Variants in CBLN2 observed in about 807,000 individuals in gnomAD.
CBLN2 encodes cerebellin 2 precursor.
In CBLN2, 7 loss-of-function variants were observed where a neutral mutation model predicts 15.0. That is an observed-to-expected ratio of 0.47 (90% CI 0.27 to 0.88). The LOEUF (loss-of-function observed/expected upper bound fraction) is 0.88, where lower values mean the gene tolerates loss of function less well. Ranked by LOEUF, CBLN2 falls within the 40% of genes least tolerant of loss-of-function variation. The pLI is 0.14. For missense variants in CBLN2, 242 were observed against 304.5 expected, an observed-to-expected ratio of 0.79 and a Z score of 1.53; for synonymous variants, 149 against 135.2, an observed-to-expected ratio of 1.10 and a Z score of -0.71.
intron 1 of CBLN2, among the ~76,000 whole-genome samples, chr18:72,608,574 C>G (rs1296222990): frequency 6.6e-6 from 1 of 152,098 alleles, no homozygotes; most frequent in Non-Finnish European, 1.5e-5. Flanking sequence ...GCAAGTTGAG[C>G]CTGAAAGTGA....
chr18:72,604,542 A>C (rs929277632), intron 1 of CBLN2, among the ~76,000 whole-genome samples: 25 of 152,278 alleles, frequency 1.6e-4, no homozygotes, highest in African/African-American at 5.8e-4. Context: ...TCCTCTCCAA[A>C]ACTCGTGTTG....
chr18:72,590,969 G>A (rs1004529708), intron 1 of CBLN2, among the ~76,000 whole-genome samples: 1 of 152,142 alleles, frequency 6.6e-6, no homozygotes, highest in African/African-American at 2.4e-5. Flanking sequence ...TTGTTTCTCT[G>A]TCTTTGGGGC....
At chr18:72,604,116 C>T (rs1168537097) in intron 1 of CBLN2, among the ~76,000 whole-genome samples, 3 of 152,200 alleles carry the variant, frequency 2.0e-5, no homozygotes, top group Admixed American at 1.3e-4. Context: ...ATCTGATTTA[C>T]ACTGATCTCT....
At chr18:72,615,457 G>A (rs941827359) in intron 1 of CBLN2, among the ~76,000 whole-genome samples, 1 of 151,200 alleles carries the variant, frequency 6.6e-6, no homozygotes, top group African/African-American at 2.4e-5. Context: ...TGTATTTTTA[G>A]TAGAGAAGGG....
At chr18:72,593,295 T>C (rs1325728824) in intron 1 of CBLN2, among the ~76,000 whole-genome samples, 1 of 152,158 alleles carries the variant, frequency 6.6e-6, no homozygotes, top group African/African-American at 2.4e-5. Context: ...ACTTTCTTGA[T>C]TTCTTCTGCA....
chr18:72,538,533 T>C (rs2069085428), intron 4 of CBLN2, 120 bp downstream of exon 4: 2 of 1,470,788 alleles, frequency 1.4e-6, no homozygotes, highest in Admixed American at 1.8e-5. Context: ...CAGAGCCACA[T>C]CACCCCCTGG....
Position 72,542,258 on chromosome 18 carries a change from C to T in CBLN2, c.-98G>A, listed in dbSNP as rs867136928. The T allele has an allele frequency of 1.3e-6, 1 of 746,342 alleles. No individual in the cohort carries two copies. Among genetic ancestry groups the T allele is most frequent in the Non-Finnish European group, 1.7e-6 (1 of 572,442 alleles). 46.2% of individuals were successfully genotyped at this position (746,342 alleles called of 1,614,324 possible). A position where few individuals can be genotyped will look rare whatever the true frequency, so the allele number is the denominator to read the frequency against. ...AACGCGCGGAGCTCGCAGCAGCCTC[C>T]GGGGGCCTTCGTCCCCGGCTCTGAC... On this transcript the variant is annotated 5_prime_UTR_variant, in exon 3 of 5. Transcript: ENST00000269503.
intron 1 of CBLN2, among the ~76,000 whole-genome samples, chr18:72,549,915 A>G (rs1198843294): frequency 6.6e-6 from 1 of 152,130 alleles, no homozygotes; most frequent in East Asian, 1.9e-4. Context: ...TGTGAAAAAA[A>G]TGAAACCCTC....
intron 1 of CBLN2, among the ~76,000 whole-genome samples, chr18:72,560,239 A>G (rs766063523): frequency 2.0e-4 from 30 of 152,322 alleles, no homozygotes; most frequent in Non-Finnish European, 3.5e-4. Context: ...TCTTGCACCC[A>G]GATGCAGGCC....
At chr18:72,549,647 A>G (rs1031179241) in intron 1 of CBLN2, among the ~76,000 whole-genome samples, 2 of 152,220 alleles carry the variant, frequency 1.3e-5, no homozygotes, top group African/African-American at 4.8e-5. Context: ...AAAAGAAAAG[A>G]AATCATGATT....
intron 1 of CBLN2, among the ~76,000 whole-genome samples, chr18:72,624,906 A>C (rs1306588351): frequency 6.6e-6 from 1 of 152,222 alleles, no homozygotes; most frequent in African/African-American, 2.4e-5. Context: ...AGAGGCTGGT[A>C]TTAAATCCTG....
chr18:72,630,608 G>T (rs756801019), intron 1 of CBLN2, among the ~76,000 whole-genome samples: 9 of 140,696 alleles, frequency 6.4e-5, no homozygotes, highest in Non-Finnish European at 1.4e-4. Context: ...ATTTAGACAA[G>T]AAAATTGAGA....
At position 72,538,113 on chromosome 18, in the gene CBLN2, G is replaced by A. The variant is rs1225274171; in HGVS notation, c.*63C>T. On this transcript the variant is annotated 3_prime_UTR_variant, in exon 5 of 5. Transcript: ENST00000269503. ...TGTCCAATTCCAGTAAGTTCAGGGT[G>A]TTTTAAAGGGCGGAGTCCTGGGTCC... The A allele has an allele frequency of 6.5e-7, 1 of 1,545,654 alleles. No individual in the cohort carries two copies. Among genetic ancestry groups the A allele is most frequent in the Non-Finnish European group, 8.9e-7 (1 of 1,119,240 alleles).
chr18:72,565,484 G>T (rs1031288920), intron 1 of CBLN2, among the ~76,000 whole-genome samples: 2 of 152,084 alleles, frequency 1.3e-5, no homozygotes, highest in African/African-American at 4.8e-5. Flanking sequence ...AACATAAAAA[G>T]ATGTAAATAA....
At chr18:72,561,464 T>C (rs185180950) in intron 1 of CBLN2, among the ~76,000 whole-genome samples, 3 of 152,322 alleles carry the variant, frequency 2.0e-5, no homozygotes, top group African/African-American at 7.2e-5. Flanking sequence ...TCCTTCTCTC[T>C]CTTTCCTCTC....
chr18:72,543,295 C>T lies in CBLN2; in HGVS notation c.-167+191G>A, dbSNP rs1568250348. ...CGCCCACAGCCTCCCATTAACTCTT[C>T]CAGTATTCTTTCTAAGAACAGAGAA... On this transcript the variant is annotated intron_variant, in intron 2 of 4. Transcript: ENST00000269503. This position sits in a 1 kb window ranked among gnomAD's most constrained non-coding sequence, Gnocchi z 6.8. The T allele has an allele frequency of 2.6e-6, 1 of 377,426 alleles. No homozygotes were observed. The highest frequency in any genetic ancestry group is 3.7e-5 in the East Asian group (1 of 26,698). The allele number at this position is 377,426 out of a possible 1,614,324, so 23.4% of individuals were successfully genotyped here.
At chr18:72,567,854 G>A (rs1400026159) in intron 1 of CBLN2, among the ~76,000 whole-genome samples, 5 of 152,184 alleles carry the variant, frequency 3.3e-5, no homozygotes, top group Admixed American at 6.5e-5. Flanking sequence ...ATCTTAGAAA[G>A]CAGTTGCAAG....
Position 72,625,818 on chromosome 18 carries a change from C to CTCTCTA in CBLN2, c.15+12506_15+12507insTAGAGA, listed in dbSNP as rs1469005975. Among the ~76,000 whole-genome samples, 16 of 57,392 alleles carry CTCTCTA rather than the reference C, an allele frequency of 2.8e-4. No individual in the cohort carries two copies. The East Asian group carries it at 3.9e-3, about 14-fold the overall frequency. The allele number at this position is 57,392 out of a possible 152,430, so 37.7% of individuals were successfully genotyped here. A position where few individuals can be genotyped will look rare whatever the true frequency, so the allele number is the denominator to read the frequency against. On this transcript the variant is annotated intron_variant, in intron 1 of 2. Transcript: ENST00000581073. ...TCTCTCTCTCTCTCTCTCTCTCTCTCTATATATATATATATATATATATAT... is the reference window on the plus strand; with the variant it reads ...TCTCTCTCTCTCTCTCTCTCTCTCTCTCTCTATATATATATATATATATATATATAT...
intron 1 of CBLN2, among the ~76,000 whole-genome samples, chr18:72,560,902 G>A (rs964254504): frequency 3.3e-5 from 5 of 152,114 alleles, no homozygotes; most frequent in African/African-American, 1.2e-4. Flanking sequence ...CCAGCTACTT[G>A]GGAGGCTGAG....
Sources: gnomAD v4.1 joint callset for allele counts (sites outside exome capture counted in the v4.1 genomes callset) on GRCh38, gnomAD v4.1.1 for gene constraint, Gnocchi (gnomAD v3.1) non-coding constraint, MANE v1.5 for transcripts, NCBI Gene and HGNC (gene_info 2026-07-23, HGNC 2026-07-21) for gene names.